Variants in TCOF1 observed in about 807,000 individuals in gnomAD.
TCOF1 encodes the protein treacle ribosome biogenesis factor 1.
In TCOF1, 33 loss-of-function variants were observed where a neutral mutation model predicts 149.0. The ratio of observed to expected loss-of-function variants is 0.22; its 90% CI spans 0.17 to 0.30. The LOEUF (loss-of-function observed/expected upper bound fraction) is 0.30. Ranked by LOEUF, TCOF1 falls within the 10% of genes least tolerant of loss-of-function variation. The pLI, the probability that TCOF1 is intolerant of heterozygous loss-of-function variation, is 1.00. For missense variants in TCOF1, 1,728 were observed against 1,840.7 expected, an observed-to-expected ratio of 0.94 and a Z score of 1.12; for synonymous variants, 789 against 738.8, an observed-to-expected ratio of 1.07 and a Z score of -1.10.
At chr5:150,387,783 CCAGCTGCCCCTGAGCT>C (rs1766578785) in intron 17 of TCOF1, 103 bp from the exon 18 acceptor site, 2 of 1,410,904 alleles carry the variant, frequency 1.4e-6, no homozygotes, top group African/African-American at 2.8e-5. Flanking sequence ...GCTTCTGTGC[CCAGCTGCCCCTGAGCT>C]CAGTGGACCC....
chr5:150,395,451 A>G (rs1468774053), intron 23 of TCOF1, among the ~76,000 whole-genome samples: 1 of 152,088 alleles, frequency 6.6e-6, no homozygotes, highest in African/African-American at 2.4e-5. Flanking sequence ...GCTGGGTCGG[A>G]AGAGGAATTG....
chr5:150,360,731 T>C (rs1396578281), intron 1 of TCOF1, among the ~76,000 whole-genome samples: 4 of 140,352 alleles, frequency 2.8e-5, no homozygotes, highest in Non-Finnish European at 6.3e-5. Flanking sequence ...AAAAAGACCC[T>C]CTTTTTTTTT....
intron 1 of TCOF1, 85 bp downstream of exon 1, chr5:150,357,939 C>T: frequency 1.4e-6 from 2 of 1,436,634 alleles, no homozygotes; most frequent in Non-Finnish European, 1.9e-6. Flanking sequence ...CCCCAGGCGA[C>T]CCGGCAGGCG....
At chr5:150,384,764 G>A (rs1765943396) in intron 17 of TCOF1, 1 of 985,484 alleles carries the variant, frequency 1.0e-6, no homozygotes, top group African/African-American at 1.7e-5. Context: ...GGAAGCTGCA[G>A]CCTCTTCCTG....
At chr5:150,388,233 G>A in intron 18 of TCOF1, 145 bp downstream of exon 18, 1 of 1,113,180 alleles carries the variant, frequency 9.0e-7, no homozygotes, top group African/African-American at 1.6e-5. Context: ...CCCTGCATTA[G>A]CCATTCTGAT....
intron 19 of TCOF1, among the ~76,000 whole-genome samples, chr5:150,391,000 G>A (rs1013815025): frequency 5.9e-5 from 9 of 152,200 alleles, no homozygotes; most frequent in African/African-American, 1.2e-4. Context: ...CTGAGACAGC[G>A]ATGCTTAAGC....
intron 2 of TCOF1, 63 bp from the exon 3 acceptor site, chr5:150,364,050 A>G: frequency 1.2e-6 from 2 of 1,611,926 alleles, no homozygotes; most frequent in Non-Finnish European, 1.7e-6. Flanking sequence ...AGGTCTGTCT[A>G]GTCAATTCTT....
At chr5:150,385,658 G>C (rs2150950889) in intron 17 of TCOF1, among the ~76,000 whole-genome samples, 1 of 152,324 alleles carries the variant, frequency 6.6e-6, no homozygotes, top group African/African-American at 2.4e-5. Flanking sequence ...TCTGTGACTT[G>C]CTGGAATGAA....
At position 150,379,671 on chromosome 5, in the gene TCOF1, G is replaced by A. The variant is rs747005979; in HGVS notation, c.2798G>A (p.Gly933Glu). 6 of 1,614,210 alleles carry A rather than the reference G, an allele frequency of 3.7e-6. No homozygotes were observed. The highest frequency in any genetic ancestry group is 5.1e-6 in the Non-Finnish European group (6 of 1,180,048). ...CAGGCAGGGAAGCAGGATGACTCAG[G>A]GAGCAGCAGCGAGGAATCAGACAGT... ...AAQAGKQDDS[G>E]SSSEESDSDG... The change falls in exon 17 of 27, where the codon GGG (glycine) becomes GAG (glutamate). Residue 933 changes from glycine (G) to glutamate (E), a missense_variant. Physicochemically the swap from Gly to Glu is moderately conservative, Grantham distance 98. This residue lies in a region of TCOF1 where 1,696 missense variants were observed against 1,765.4 expected (regional missense o/e 0.96). Coordinates refer to ENST00000643257, the MANE Select transcript of TCOF1 (RefSeq NM_001371623.1).
In TCOF1 at chr5:150,388,050, A is replaced by G; in HGVS notation, c.3008A>G (p.Asp1003Gly). The stretch of plus-strand genomic sequence containing the variant: ...AGGAGCTCCTCCTCCGAGAGCGAGG[A>G]TGAGGACGTGATCCCCGCTACACAG... ...TARSSSSESE[D>G]EDVIPATQCL... The change falls in exon 18 of 27, where the codon GAT (aspartate) becomes GGT (glycine). Residue 1003 changes from aspartate to glycine, a missense_variant. Coordinates refer to ENST00000643257, the MANE Select transcript of TCOF1 (RefSeq NM_001371623.1). 6.2e-7 allele frequency: 1 copy of G among 1,613,316 alleles called. No individual in the cohort carries two copies. The highest frequency in any genetic ancestry group is 8.5e-7 in the Non-Finnish European group (1 of 1,179,922).
chr5:150,369,668 G>A, intron 6 of TCOF1, 66 bp downstream of exon 6: 3 of 1,556,164 alleles, frequency 1.9e-6, no homozygotes, highest in Non-Finnish European at 2.6e-6. Flanking sequence ...AACCTGTCTG[G>A]GGCTTCAGAC....
chr5:150,393,578 A>G lies in TCOF1; in HGVS notation c.3784+26A>G, dbSNP rs770044457. ...GTAAGTTAAGGTCTGCAGGAGGGAC[A>G]TAGCAGGACACAGAGGGACAGGGCA... On this transcript the variant is annotated intron_variant, in intron 23 of 26. Coordinates refer to ENST00000643257, the MANE Select transcript of TCOF1 (RefSeq NM_001371623.1). 3 of 1,614,102 alleles carry G rather than the reference A, an allele frequency of 1.9e-6. No individual in the cohort carries two copies. The South Asian group carries it at 3.3e-5, about 18-fold the overall frequency.
chr5:150,384,751 C>T (rs1489031656), intron 17 of TCOF1: 7 of 985,498 alleles, frequency 7.1e-6, no homozygotes, highest in Middle Eastern at 5.2e-4. Context: ...GGGCATAGCC[C>T]GGGGAAGCTG....
rs745537182 is a variant in TCOF1, at chr5:150,375,779, C to T, written c.1763C>T (p.Pro588Leu). 1 of 1,614,254 alleles carries T rather than the reference C, an allele frequency of 6.2e-7. No homozygotes were observed. The highest frequency in any genetic ancestry group is 1.1e-5 in the South Asian group (1 of 91,092). The change falls in exon 12 of 27, where the codon CCC becomes CTC. Residue 588 changes from proline (P) to leucine (L), a missense_variant. Pro to Leu is a moderately conservative substitution (Grantham distance 98, BLOSUM62 -3). This residue lies in a region of TCOF1 where 1,696 missense variants were observed against 1,765.4 expected (regional missense o/e 0.96). Transcript: ENST00000643257. ...CCCACCTCCAGTCCTGCCAAGGGGC[C>T]CCCTCAGAAGGCAGGGCCTGTAGCC... The part of the protein sequence containing the change: ...AKPTSSPAKG[P>L]PQKAGPVAVQ...
chr5:150,393,796 T>C (rs1438221119), intron 23 of TCOF1: 7 of 537,502 alleles, frequency 1.3e-5, no homozygotes, highest in Non-Finnish European at 2.0e-5. Context: ...GGCAGATTGC[T>C]CAAGCCCAGG....
chr5:150,367,573 G>T, intron 3 of TCOF1: 1 of 461,724 alleles, frequency 2.2e-6, no homozygotes, highest in African/African-American at 2.0e-5. Context: ...CCCTCCAGGG[G>T]CCTCCACGTC....
chr5:150,378,746 G>A (rs1764367734), intron 14 of TCOF1, 159 bp from the exon 15 acceptor site: 10 of 964,944 alleles, frequency 1.0e-5, no homozygotes, highest in Non-Finnish European at 1.6e-5. Context: ...GGACTGAACT[G>A]AGGCCCAGTG....
rs1762772892 is a variant in TCOF1, at chr5:150,372,515, C to CT, written c.870+280dup. On this transcript the variant is annotated intron_variant, in intron 7 of 26. Transcript: ENST00000643257. The stretch of plus-strand genomic sequence containing the variant: ...TGAGAAGTTTTGATTGCCTAATCCT[C>CT]TGACTTCTCAGGACAAACCAGACCC... Among the ~76,000 whole-genome samples the CT allele has an allele frequency of 2.6e-5, 4 of 152,356 alleles. No homozygotes were observed. The South Asian group carries it at 8.3e-4, about 32-fold the overall frequency.
At chr5:150,388,214 G>T (rs1766681381) in intron 18 of TCOF1, 126 bp downstream of exon 18, 1 of 1,280,768 alleles carries the variant, frequency 7.8e-7, no homozygotes, top group Non-Finnish European at 1.1e-6. Flanking sequence ...TTGGGGTCAG[G>T]TCTCTGGGCC....
Sources: allele counts gnomAD v4.1 joint callset (sites outside exome capture counted in the v4.1 genomes callset), GRCh38; gene constraint gnomAD v4.1.1; regional missense constraint gnomAD v4.1.1; transcripts MANE v1.5; gene names NCBI Gene and HGNC (gene_info 2026-07-23, HGNC 2026-07-21).